Variants in SPOCK3 observed in about 807,000 individuals in gnomAD.
SPOCK3 encodes the protein SPARC (osteonectin), cwcv and kazal like domains proteoglycan 3.
Under a neutral mutation model 56.6 loss-of-function variants are expected in SPOCK3, and 30 were observed. The observed-to-expected ratio is 0.53, with a 90% CI of 0.40 to 0.72. The LOEUF is 0.72. Ranked by LOEUF, SPOCK3 falls within the 30% of genes least tolerant of loss-of-function variation. SPOCK3 has a pLI of 0.00. For missense variants in SPOCK3, 527 were observed against 530.0 expected (o/e 0.99, Z 0.06); for synonymous variants, 196 against 183.3 (o/e 1.07, Z -0.56).
chr4:167,224,100 A>C (rs954574631), intron 2 of SPOCK3, among the ~76,000 whole-genome samples: 1 of 152,128 alleles, frequency 6.6e-6, no homozygotes, highest in Admixed American at 6.6e-5. Context: ...AAAGATTTTA[A>C]AATTATTTCC....
At chr4:167,220,523 A>G (rs751359699) in intron 2 of SPOCK3, among the ~76,000 whole-genome samples, 2 of 151,406 alleles carry the variant, frequency 1.3e-5, no homozygotes, top group African/African-American at 2.4e-5. Context: ...GACAATAGGC[A>G]TGTGCCACCA....
At chr4:167,068,007 GT>G (rs1481727606) in intron 2 of SPOCK3, among the ~76,000 whole-genome samples, 3 of 151,572 alleles carry the variant, frequency 2.0e-5, no homozygotes, top group African/African-American at 7.3e-5. Flanking sequence ...ATACCTCACT[GT>G]TTAATGAGTG....
intron 2 of SPOCK3, among the ~76,000 whole-genome samples, chr4:167,213,761 C>A (rs573009752): frequency 0.011 from 1,629 of 152,116 alleles, 26 homozygotes; most frequent in African/African-American, 0.031. Flanking sequence ...TGATGAAATC[C>A]TAAAAGATGA....
intron 6 of SPOCK3, among the ~76,000 whole-genome samples, chr4:166,793,886 A>T (rs1741613502): frequency 6.6e-6 from 1 of 152,136 alleles, no homozygotes; most frequent in Non-Finnish European, 1.5e-5. Context: ...CCATCCATAC[A>T]ATCTTTCCCC....
intron 9 of SPOCK3, among the ~76,000 whole-genome samples, chr4:166,741,613 G>T (rs1356770491): frequency 6.6e-6 from 1 of 152,124 alleles, no homozygotes; most frequent in African/African-American, 2.4e-5. Context: ...GGTACTCAGA[G>T]CACTTTTCAC....
intron 5 of SPOCK3, among the ~76,000 whole-genome samples, chr4:166,891,421 AG>A (rs946171921): frequency 6.6e-6 from 1 of 151,980 alleles, no homozygotes; most frequent in Non-Finnish European, 1.5e-5. Flanking sequence ...TTTCTTGTCA[AG>A]TGACTCCTTA....
intron 3 of SPOCK3, among the ~76,000 whole-genome samples, chr4:167,053,020 A>G (rs1047171759): frequency 3.9e-5 from 6 of 152,188 alleles, no homozygotes; most frequent in African/African-American, 1.4e-4. Context: ...AAATCTTAAC[A>G]GCTTTTCCTT....
intron 3 of SPOCK3, among the ~76,000 whole-genome samples, chr4:167,032,744 A>C (rs1752392712): frequency 6.6e-6 from 1 of 151,998 alleles, no homozygotes; most frequent in Non-Finnish European, 1.5e-5. Context: ...ATAGAAGGGA[A>C]GATCTCAACT....
At chr4:167,116,653 CA>C (rs1561233917) in intron 2 of SPOCK3, among the ~76,000 whole-genome samples, 1 of 71,418 alleles carries the variant, frequency 1.4e-5, no homozygotes, top group Non-Finnish European at 2.5e-5. Flanking sequence ...TATATATACA[CA>C]TATATACGTA....
At chr4:167,084,082 G>A (rs939387633) in intron 2 of SPOCK3, among the ~76,000 whole-genome samples, 2 of 151,992 alleles carry the variant, frequency 1.3e-5, no homozygotes, top group African/African-American at 4.8e-5. Context: ...ATAATAATTA[G>A]TCTCAAATTT....
intron 6 of SPOCK3, among the ~76,000 whole-genome samples, chr4:166,826,256 T>C (rs999169390): frequency 2.6e-5 from 4 of 152,140 alleles, no homozygotes; most frequent in Non-Finnish European, 4.4e-5. Context: ...TACTGTGTGT[T>C]ATCGTATGTC....
chr4:166,746,340 C>T (rs575886751), intron 8 of SPOCK3, among the ~76,000 whole-genome samples: 7 of 152,300 alleles, frequency 4.6e-5, no homozygotes, highest in South Asian at 4.1e-4. Context: ...AAGAAACTCA[C>T]TCAAAACCAC....
intron 2 of SPOCK3, chr4:167,102,306 TG>T (rs1759721340): frequency 6.6e-6 from 1 of 152,170 alleles, no homozygotes. Flanking sequence ...ACATTCCAGA[TG>T]GGGCAGACCA....
At chr4:167,115,839 G>A (rs965451303) in intron 2 of SPOCK3, among the ~76,000 whole-genome samples, 10 of 152,126 alleles carry the variant, frequency 6.6e-5, no homozygotes, top group Admixed American at 2.6e-4. Flanking sequence ...AGTCCTGAAC[G>A]AAAATAGCTT....
chr4:167,068,873 T>C (rs563284575), intron 2 of SPOCK3, among the ~76,000 whole-genome samples: 48 of 151,904 alleles, frequency 3.2e-4, no homozygotes, highest in Non-Finnish European at 6.0e-4. Context: ...CAAAGCATGA[T>C]GGGAGCAAGA....
chr4:166,936,165 T>G (rs374935158), intron 4 of SPOCK3, among the ~76,000 whole-genome samples: 83 of 152,294 alleles, frequency 5.4e-4, no homozygotes, highest in African/African-American at 1.9e-3. Flanking sequence ...CTTATTTTCT[T>G]AGAATACGCA....
At chr4:167,222,949 AAT>A (rs1469109069) in intron 2 of SPOCK3, among the ~76,000 whole-genome samples, 3 of 127,784 alleles carry the variant, frequency 2.3e-5, no homozygotes, top group African/African-American at 3.1e-5. Flanking sequence ...GTAAACATAT[AAT>A]ATATATTATA....
chr4:166,922,391 T>C (rs969681752), intron 4 of SPOCK3, among the ~76,000 whole-genome samples: 1 of 152,234 alleles, frequency 6.6e-6, no homozygotes, highest in African/African-American at 2.4e-5. Flanking sequence ...GCCTATCTCA[T>C]GAAGTTATAT....
chr4:166,934,957 A>G (rs373490535), intron 4 of SPOCK3, among the ~76,000 whole-genome samples: 6 of 152,304 alleles, frequency 3.9e-5, no homozygotes, highest in Non-Finnish European at 8.8e-5. Flanking sequence ...AGAATCTATG[A>G]AAATTCCAAT....
Sources: gnomAD v4.1 joint callset for allele counts (sites outside exome capture counted in the v4.1 genomes callset) on GRCh38, gnomAD v4.1.1 for gene constraint, MANE v1.5 for transcripts, NCBI Gene and HGNC (gene_info 2026-07-23, HGNC 2026-07-21) for gene names.